HPSE2: variants seen among roughly 807,000 people sequenced by gnomAD.
The protein encoded by HPSE2 is heparanase 2 (inactive).
In HPSE2, 38 loss-of-function variants were observed where a neutral mutation model predicts 60.5. The ratio of observed to expected loss-of-function variants is 0.63; its 90% CI spans 0.48 to 0.82. The LOEUF (loss-of-function observed/expected upper bound fraction) is 0.82. Among genes scored for constraint, HPSE2 ranks in the 40% least tolerant of loss-of-function variants. HPSE2 has a pLI of 0.00. For synonymous variants in HPSE2, 295 were observed against 293.2 expected (o/e 1.01, Z -0.06); for missense variants, 713 against 740.4 (o/e 0.96, Z 0.43).
At chr10:98,746,947 C>G (rs1401450588) in intron 3 of HPSE2, among the ~76,000 whole-genome samples, 1 of 151,944 alleles carries the variant, frequency 6.6e-6, no homozygotes, top group African/African-American at 2.4e-5. Context: ...CTCTATTTAA[C>G]AGAACACTGG....
At chr10:99,050,785 C>A (rs2135498690) in intron 3 of HPSE2, among the ~76,000 whole-genome samples, 1 of 152,196 alleles carries the variant, frequency 6.6e-6, no homozygotes. Flanking sequence ...CACATGAAAT[C>A]TAAAACAATC....
At chr10:98,887,344 A>G (rs1953195120) in intron 3 of HPSE2, among the ~76,000 whole-genome samples, 1 of 152,288 alleles carries the variant, frequency 6.6e-6, no homozygotes, top group African/African-American at 2.4e-5. Flanking sequence ...AGAACTAAAT[A>G]ACACTGATGA....
chr10:98,861,838 A>G (rs1952464967), intron 3 of HPSE2, among the ~76,000 whole-genome samples: 1 of 152,140 alleles, frequency 6.6e-6, no homozygotes, highest in South Asian at 2.1e-4. Context: ...TCAACATTGC[A>G]CCAGGCTTGT....
intron 3 of HPSE2, among the ~76,000 whole-genome samples, chr10:98,981,708 C>T (rs7098469): frequency 0.25 from 37,724 of 151,990 alleles, 5,176 homozygotes; most frequent in African/African-American, 0.37. Context: ...ATTTCTACCT[C>T]CTTGTCCTTC....
intron 9 of HPSE2, among the ~76,000 whole-genome samples, chr10:98,565,868 A>G (rs1367548088): frequency 6.6e-6 from 1 of 151,808 alleles, no homozygotes; most frequent in Non-Finnish European, 1.5e-5. Flanking sequence ...CATCATCATT[A>G]TTGTTGTTTT....
chr10:98,899,230 C>T (rs566388531), intron 3 of HPSE2, among the ~76,000 whole-genome samples: 2 of 152,188 alleles, frequency 1.3e-5, no homozygotes, highest in East Asian at 3.9e-4. Flanking sequence ...ACTTTATTGC[C>T]CAAAACAGGC....
In HPSE2 at chr10:98,991,629, T is replaced by C. The variant is rs113943743; in HGVS notation, c.610+152609A>G. On this transcript the variant is annotated intron_variant, in intron 3 of 11. Coordinates refer to ENST00000370552, the MANE Select transcript of HPSE2 (RefSeq NM_021828.5). ...ACAGGTTTTGAGCAGCAGAGTCACA[T>C]GGTTCAACTTAGGTTTAAAAGGATC... Among the ~76,000 whole-genome samples, 402 of 152,254 alleles carry C rather than the reference T, an allele frequency of 2.6e-3. 3 individuals carry two copies. Among genetic ancestry groups the C allele is most frequent in the African/African-American group, 9.5e-3 (393 of 41,554 alleles).
In HPSE2 at chr10:98,686,674, G is replaced by A. The variant is rs77862056; in HGVS notation, c.1004+7226C>T. Among the ~76,000 whole-genome samples the A allele has an allele frequency of 3.6e-3, 555 of 152,092 alleles. 4 individuals carry two copies. The highest frequency in any genetic ancestry group is 0.013 in the African/African-American group (536 of 41,476). ...CCCATTGCAGCCTCCCAAGTAGCTG[G>A]GATTACAGGCACATATATTATTTTG... On this transcript the variant is annotated intron_variant, in intron 6 of 11. Coordinates refer to ENST00000370552, the MANE Select transcript of HPSE2 (RefSeq NM_021828.5).
intron 9 of HPSE2, among the ~76,000 whole-genome samples, chr10:98,606,775 T>C (rs1945600616): frequency 6.6e-6 from 1 of 152,210 alleles, no homozygotes; most frequent in Admixed American, 6.5e-5. Flanking sequence ...TTTTTATTTG[T>C]TCTATTTTTT....
At chr10:98,790,806 A>C (rs1238938804) in intron 3 of HPSE2, among the ~76,000 whole-genome samples, 3 of 152,156 alleles carry the variant, frequency 2.0e-5, no homozygotes, top group Non-Finnish European at 4.4e-5. Flanking sequence ...ATAAAAAGAA[A>C]AATAATGTGA....
chr10:98,488,625 T>C (rs1941528821), intron 10 of HPSE2, among the ~76,000 whole-genome samples: 1 of 152,230 alleles, frequency 6.6e-6, no homozygotes, highest in South Asian at 2.1e-4. Flanking sequence ...TGATATGCTT[T>C]CCAACAGGGA....
At chr10:99,239,586 C>T (rs545667657), upstream of HPSE2, among the ~76,000 whole-genome samples, 13 of 151,862 alleles carry the variant, frequency 8.6e-5, no homozygotes, top group South Asian at 1.2e-3. Context: ...CACATCGCCA[C>T]GCGCAGCTAA....
At chr10:98,801,271 T>A (rs1460690775) in intron 3 of HPSE2, among the ~76,000 whole-genome samples, 6 of 152,056 alleles carry the variant, frequency 3.9e-5, no homozygotes, top group African/African-American at 1.4e-4. Flanking sequence ...AGGGACAAAC[T>A]GAAAATCTTT....
intron 3 of HPSE2, among the ~76,000 whole-genome samples, chr10:99,019,645 G>C (rs1287653375): frequency 6.6e-6 from 1 of 151,788 alleles, no homozygotes; most frequent in Non-Finnish European, 1.5e-5. Flanking sequence ...GTTTCTTCAG[G>C]TGGTTTTCCC....
At chr10:99,173,803 C>T (rs1218012833) in intron 2 of HPSE2, among the ~76,000 whole-genome samples, 1 of 151,890 alleles carries the variant, frequency 6.6e-6, no homozygotes, top group African/African-American at 2.4e-5. Flanking sequence ...ATTAGCCAGG[C>T]ATGGTGGCAC....
chr10:98,723,413 G>A (rs188782945), intron 4 of HPSE2, among the ~76,000 whole-genome samples: 123 of 152,258 alleles, frequency 8.1e-4, no homozygotes, highest in African/African-American at 2.7e-3. Context: ...AGGGATATTG[G>A]TCTAAAATTC....
chr10:99,201,741 A>G (rs1335986047), intron 2 of HPSE2, among the ~76,000 whole-genome samples: 1 of 152,206 alleles, frequency 6.6e-6, no homozygotes, highest in African/African-American at 2.4e-5. Context: ...GATTATGACT[A>G]AAAACCTCAG....
intron 3 of HPSE2, among the ~76,000 whole-genome samples, chr10:99,121,219 C>G (rs1844939737): frequency 6.6e-6 from 1 of 152,080 alleles, no homozygotes; most frequent in Non-Finnish European, 1.5e-5. Flanking sequence ...CATGCTCTCA[C>G]TTACAAGTGG....
intron 3 of HPSE2, among the ~76,000 whole-genome samples, chr10:99,089,768 A>G (rs998350547): frequency 3.9e-5 from 6 of 152,144 alleles, no homozygotes; most frequent in Non-Finnish European, 2.9e-5. Context: ...TTTTGGCAGT[A>G]TGGTGATTTT....
Sources: gnomAD v4.1 joint callset for allele counts (sites outside exome capture counted in the v4.1 genomes callset) on GRCh38, gnomAD v4.1.1 for gene constraint, MANE v1.5 for transcripts, NCBI Gene and HGNC (gene_info 2026-07-23, HGNC 2026-07-21) for gene names.